HDAC9: variants seen among roughly 807,000 people sequenced by gnomAD.
The protein encoded by HDAC9 is MEF-2 interacting transcription repressor (MITR) protein.
Under a neutral mutation model 139.4 loss-of-function variants are expected in HDAC9, and 41 were observed. The observed-to-expected ratio is 0.29, with a 90% CI of 0.23 to 0.38. The LOEUF (loss-of-function observed/expected upper bound fraction) is 0.38. HDAC9 is among the 10% of genes least tolerant of loss of function. The pLI is 1.00. For missense variants in HDAC9, 1,147 were observed against 1,297.0 expected (o/e 0.88, Z 1.78); for synonymous variants, 517 against 476.2 (o/e 1.09, Z -1.12).
upstream of HDAC9, among the ~76,000 whole-genome samples, chr7:18,491,329 A>T (rs1796349028): frequency 6.6e-6 from 1 of 152,018 alleles, no homozygotes; most frequent in Non-Finnish European, 1.5e-5. Context: ...AAGCAAAAAC[A>T]CTCAGGTATA....
Position 18,591,593 on chromosome 7 carries a change from A to C in HDAC9, c.493A>C (p.Thr165Pro). The change falls in exon 5 of 26, where the codon ACT becomes CCT. Residue 165 changes from threonine to proline, a missense_variant. Physicochemically the swap from Thr to Pro is conservative, Grantham distance 38. Coordinates refer to ENST00000686413, the MANE Select transcript of HDAC9 (RefSeq NM_178425.4). ...LSKSATKDTPTNGKNHSVSRH... is the reference protein window; with the variant it reads ...LSKSATKDTPPNGKNHSVSRH... ...TAAATCAGCAACGAAAGACACTCCAACTAATGGAAAAAATCATTCCGTGAG... is the reference window on the plus strand; with the variant it reads ...TAAATCAGCAACGAAAGACACTCCACCTAATGGAAAAAATCATTCCGTGAG... 2 of 1,613,516 alleles carry C rather than the reference A, an allele frequency of 1.2e-6. No individual in the cohort carries two copies. The highest frequency in any genetic ancestry group is 2.2e-5 in the East Asian group (1 of 44,866).
intron 2 of HDAC9, among the ~76,000 whole-genome samples, chr7:18,527,025 G>C (rs1271221818): frequency 6.6e-6 from 1 of 152,120 alleles, no homozygotes; most frequent in African/African-American, 2.4e-5. Flanking sequence ...AGAAAAAGGT[G>C]AGCTTTTACA....
chr7:18,791,570 T>C (rs893324685), intron 16 of HDAC9, among the ~76,000 whole-genome samples: 9 of 152,204 alleles, frequency 5.9e-5, no homozygotes, highest in African/African-American at 2.2e-4. Context: ...TCCATTTCAA[T>C]GATTCCTTCA....
intron 16 of HDAC9, among the ~76,000 whole-genome samples, chr7:18,785,109 G>C (rs780365075): frequency 2.6e-4 from 39 of 152,036 alleles, no homozygotes; most frequent in Admixed American, 4.6e-4. Flanking sequence ...TTCCTTTGGC[G>C]TATTAAGGAG....
chr7:18,452,877 C>G (rs753919817), intron 1 of HDAC9, among the ~76,000 whole-genome samples: 16 of 152,114 alleles, frequency 1.1e-4, no homozygotes, highest in Non-Finnish European at 1.5e-4. Context: ...TATAAATTAC[C>G]CAGTTTCGGG....
At chr7:18,096,069 A>T (rs558321255) in intron 1 of HDAC9, among the ~76,000 whole-genome samples, 1 of 152,342 alleles carries the variant, frequency 6.6e-6, no homozygotes, top group Admixed American at 6.5e-5. Flanking sequence ...TCTCTATAAC[A>T]TCTTTTCGTT....
chr7:18,983,215 A>G (rs1327862245), intron 25 of HDAC9, among the ~76,000 whole-genome samples: 1 of 152,170 alleles, frequency 6.6e-6, no homozygotes, highest in Non-Finnish European at 1.5e-5. Flanking sequence ...GTCTTTTTCT[A>G]CTGGCTTACT....
At chr7:18,534,583 C>A (rs1416931912) in intron 2 of HDAC9, among the ~76,000 whole-genome samples, 2 of 152,108 alleles carry the variant, frequency 1.3e-5, no homozygotes, top group African/African-American at 4.8e-5. Flanking sequence ...AAGAGAGAAT[C>A]CTTGCGTACT....
chr7:18,536,326 A>G (rs1028257779), intron 2 of HDAC9, among the ~76,000 whole-genome samples: 3 of 152,150 alleles, frequency 2.0e-5, no homozygotes, highest in African/African-American at 2.4e-5. Context: ...CTACTCTACT[A>G]TAAGCATGAT....
chr7:18,633,926 C>G (rs570249133), intron 7 of HDAC9, among the ~76,000 whole-genome samples: 2 of 152,156 alleles, frequency 1.3e-5, no homozygotes, highest in Admixed American at 1.3e-4. Context: ...AAGAATCTGT[C>G]TTGTTGTTGC....
At chr7:18,269,087 A>T (rs1796183251) in intron 2 of HDAC9, among the ~76,000 whole-genome samples, 1 of 152,170 alleles carries the variant, frequency 6.6e-6, no homozygotes, top group Non-Finnish European at 1.5e-5. Flanking sequence ...GAGGGTTAAT[A>T]AGTGGGTCTA....
At chr7:18,770,051 C>T (rs186323588) in intron 16 of HDAC9, among the ~76,000 whole-genome samples, 55 of 152,186 alleles carry the variant, frequency 3.6e-4, no homozygotes, top group African/African-American at 1.3e-3. Context: ...TTTGAGGACC[C>T]TACCTGGGAC....
chr7:18,130,683 A>G (rs1784945667), intron 1 of HDAC9, among the ~76,000 whole-genome samples: 1 of 152,106 alleles, frequency 6.6e-6, no homozygotes, highest in South Asian at 2.1e-4. Context: ...GCCCTAGGAA[A>G]CCACTAATGT....
intron 6 of HDAC9, among the ~76,000 whole-genome samples, chr7:18,622,956 C>A (rs1840636034): frequency 6.6e-6 from 1 of 151,710 alleles, no homozygotes. Context: ...CCAGCTTGGA[C>A]AATGTGGCAA....
intron 2 of HDAC9, among the ~76,000 whole-genome samples, chr7:18,529,010 C>T (rs1230363330): frequency 6.6e-6 from 1 of 152,052 alleles, no homozygotes; most frequent in Non-Finnish European, 1.5e-5. Context: ...ATGTCTTTAT[C>T]CTTCTGTCAT....
intron 1 of HDAC9, among the ~76,000 whole-genome samples, chr7:18,156,212 A>T (rs1357657515): frequency 6.6e-6 from 1 of 152,204 alleles, no homozygotes; most frequent in African/African-American, 2.4e-5. Context: ...GGGGAAAAAA[A>T]GCTGAGGCTA....
At chr7:18,168,923 GT>G (rs1562700745) in intron 2 of HDAC9, among the ~76,000 whole-genome samples, 2 of 136,162 alleles carry the variant, frequency 1.5e-5, no homozygotes, top group Non-Finnish European at 3.1e-5. Flanking sequence ...GTGTGTGTGT[GT>G]GTGCGCGCAT....
At chr7:18,241,263 A>G (rs868227236) in intron 2 of HDAC9, among the ~76,000 whole-genome samples, 34 of 152,222 alleles carry the variant, frequency 2.2e-4, no homozygotes, top group African/African-American at 8.0e-4. Context: ...CATAAAGCCT[A>G]TCTTTTTGCA....
chr7:18,230,127 C>A (rs1418770317), intron 2 of HDAC9, among the ~76,000 whole-genome samples: 1 of 152,014 alleles, frequency 6.6e-6, no homozygotes, highest in Non-Finnish European at 1.5e-5. Flanking sequence ...CTGAGAAAAA[C>A]ATAGGATAAA....
Sources: allele counts gnomAD v4.1 joint callset (sites outside exome capture counted in the v4.1 genomes callset), GRCh38; gene constraint gnomAD v4.1.1; transcripts MANE v1.5; gene names NCBI Gene and HGNC (gene_info 2026-07-23, HGNC 2026-07-21).